ENOX2: variants seen among roughly 807,000 people sequenced by gnomAD.
ENOX2 encodes the protein ecto-NOX disulfide-thiol exchanger 2.
ENOX2 carries 36 observed loss-of-function variants against 45.0 expected under a neutral mutation model. That is an observed-to-expected ratio of 0.80 (90% confidence interval 0.61 to 1.06). The LOEUF (loss-of-function observed/expected upper bound fraction) is 1.06. Ranked by LOEUF, ENOX2 falls within the 50% of genes least tolerant of loss-of-function variation. The pLI is 0.00. For synonymous variants in ENOX2, 174 were observed against 152.3 expected (o/e 1.14, Z -1.05); for missense variants, 423 against 462.5 (o/e 0.91, Z 0.78).
intron 2 of ENOX2, among the ~76,000 whole-genome samples, chrX:130,810,179 C>G (rs998174163): frequency 2.7e-5 from 3 of 110,774 alleles, no homozygotes; most frequent in Non-Finnish European, 5.7e-5. Flanking sequence ...ACCCCAACAC[C>G]AGGCTGCCTC....
chrX:130,634,147 G>A lies in ENOX2; in HGVS notation c.1419+837C>T, dbSNP rs558775124. Among the ~76,000 whole-genome samples the A allele has an allele frequency of 3.7e-4, 41 of 112,212 alleles. No homozygotes were observed. The South Asian group carries it at 0.013, about 36-fold the overall frequency. ...TCCTGAGCTGAGAACAGAAGATAAAGAGAATATGCTCTTGAGGAACTGTAT... is the reference window on the plus strand; with the variant it reads ...TCCTGAGCTGAGAACAGAAGATAAAAAGAATATGCTCTTGAGGAACTGTAT... On this transcript the variant is annotated intron_variant, in intron 12 of 14. Transcript: ENST00000394363.
chrX:130,776,514 T>C (rs1255866804), intron 3 of ENOX2, among the ~76,000 whole-genome samples: 1 of 110,759 alleles, frequency 9.0e-6, no homozygotes, highest in African/African-American at 3.3e-5. Flanking sequence ...GCTTTCGCCA[T>C]GTGACATGCC....
At chrX:130,648,307 G>A (rs2036297948) in intron 10 of ENOX2, among the ~76,000 whole-genome samples, 1 of 110,033 alleles carries the variant, frequency 9.1e-6, no homozygotes, top group Admixed American at 9.7e-5. Context: ...GTATGGTGGT[G>A]CATGCCTGTA....
chrX:130,849,202 G>A (rs141453072), intron 2 of ENOX2, among the ~76,000 whole-genome samples: 1,790 of 112,516 alleles, frequency 0.016, 16 homozygotes, highest in Non-Finnish European at 0.026. Context: ...AACAACTGTT[G>A]TTACATAATT....
At chrX:130,632,068 C>T (rs1344854852) in intron 12 of ENOX2, among the ~76,000 whole-genome samples, 2 of 110,824 alleles carry the variant, frequency 1.8e-5, no homozygotes, top group Middle Eastern at 4.2e-3. Context: ...ATGGTAAGTC[C>T]CATCTCAATG....
chrX:130,778,565 T>C (rs897870411), intron 3 of ENOX2, among the ~76,000 whole-genome samples: 2 of 112,124 alleles, frequency 1.8e-5, no homozygotes, highest in African/African-American at 6.5e-5. Flanking sequence ...TTCTCTTCTC[T>C]AGTGATTAGC....
At chrX:130,901,242 A>T (rs1161271137) in intron 2 of ENOX2, among the ~76,000 whole-genome samples, 2 of 112,707 alleles carry the variant, frequency 1.8e-5, no homozygotes, top group Non-Finnish European at 3.8e-5. Context: ...AAGAAAGAAC[A>T]TTGGGAGCAG....
chrX:130,834,132 C>T (rs1408504041), intron 2 of ENOX2, among the ~76,000 whole-genome samples: 1 of 111,539 alleles, frequency 9.0e-6, no homozygotes, highest in African/African-American at 3.3e-5. Flanking sequence ...TCTCTAACTT[C>T]CACTATAGAG....
intron 10 of ENOX2, among the ~76,000 whole-genome samples, chrX:130,653,718 T>G (rs1260425478): frequency 1.8e-5 from 2 of 112,427 alleles, no homozygotes; most frequent in African/African-American, 6.5e-5. Flanking sequence ...TATTTATATC[T>G]CTATCTCCAT....
intron 2 of ENOX2, among the ~76,000 whole-genome samples, chrX:130,865,699 ATCT>A (rs1374105839): frequency 9.0e-6 from 1 of 111,706 alleles, no homozygotes; most frequent in Non-Finnish European, 1.9e-5. Flanking sequence ...TATACATTAA[ATCT>A]TCTATTCTCT....
chrX:130,777,622 G>T (rs547852196), intron 3 of ENOX2, among the ~76,000 whole-genome samples: 1 of 111,763 alleles, frequency 8.9e-6, no homozygotes, highest in East Asian at 2.8e-4. Flanking sequence ...TCTGCTGAGA[G>T]AATTCCTAAT....
In ENOX2 at chrX:130,795,908, G is replaced by T. The variant is rs1377816380; in HGVS notation, c.-182-12218C>A. 1.1e-4 allele frequency among the ~76,000 whole-genome samples: 12 copies of T among 110,469 alleles called. No individual in the cohort carries two copies. The Admixed American group carries it at 1.2e-3, about 11-fold the overall frequency. Reference sequence around the variant, plus strand: ...GTGAAGTTTTACCTAACCCCCAAAAGCTCTCTCCACAGGAGTACACAGAGC... The same window carrying T: ...GTGAAGTTTTACCTAACCCCCAAAATCTCTCTCCACAGGAGTACACAGAGC... On this transcript the variant is annotated intron_variant, in intron 2 of 14. Transcript: ENST00000394363.
intron 6 of ENOX2, among the ~76,000 whole-genome samples, chrX:130,675,302 T>C (rs2037115344): frequency 8.9e-6 from 1 of 111,795 alleles, no homozygotes; most frequent in Non-Finnish European, 1.9e-5. Flanking sequence ...TTTTTAATGA[T>C]TGCCATTCTA....
intron 2 of ENOX2, among the ~76,000 whole-genome samples, chrX:130,818,763 G>C (rs1245169853): frequency 8.9e-6 from 1 of 112,147 alleles, no homozygotes; most frequent in Non-Finnish European, 1.9e-5. Context: ...ATGGATTAAA[G>C]ACTTAAACGT....
chrX:130,859,688 T>G (rs781754703), intron 2 of ENOX2, among the ~76,000 whole-genome samples: 1 of 111,891 alleles, frequency 8.9e-6, no homozygotes, highest in African/African-American at 3.2e-5. Context: ...CCAACTTGTG[T>G]TTGAAACATA....
At chrX:130,707,896 T>C (rs769531780) in intron 3 of ENOX2, among the ~76,000 whole-genome samples, 3 of 111,970 alleles carry the variant, frequency 2.7e-5, no homozygotes, top group South Asian at 3.8e-4. Flanking sequence ...TCACTTTCTT[T>C]CTTCTCTTCT....
intron 5 of ENOX2, among the ~76,000 whole-genome samples, chrX:130,687,027 G>A (rs1416609874): frequency 9.0e-6 from 1 of 111,635 alleles, no homozygotes; most frequent in East Asian, 2.8e-4. Context: ...GAACTGTAGA[G>A]GCATGGCTGC....
chrX:130,719,960 CAAAG>C (rs2038433406), intron 3 of ENOX2, among the ~76,000 whole-genome samples: 1 of 111,658 alleles, frequency 9.0e-6, no homozygotes, highest in African/African-American at 3.3e-5. Context: ...GACTTGCAAA[CAAAG>C]GAAGGAAGAG....
chrX:130,785,325 CAA>C (rs1204555333), intron 2 of ENOX2, among the ~76,000 whole-genome samples: 8 of 44,091 alleles, frequency 1.8e-4, no homozygotes, highest in Non-Finnish European at 1.8e-4. Flanking sequence ...AACTCCATCT[CAA>C]AAAAAAAAAA....
Sources: gnomAD v4.1 joint callset for allele counts (sites outside exome capture counted in the v4.1 genomes callset) on GRCh38, gnomAD v4.1.1 for gene constraint, MANE v1.5 for transcripts, NCBI Gene and HGNC (gene_info 2026-07-23, HGNC 2026-07-21) for gene names.